The following AVEN variants were observed in gnomAD, a reference collection of about 807,000 sequenced individuals.
The protein encoded by AVEN is cell death regulator Aven.
In AVEN, 41 loss-of-function variants were observed where a neutral mutation model predicts 38.1. The ratio of observed to expected loss-of-function variants is 1.08; its 90% CI spans 0.84 to 1.40. The LOEUF is 1.40. Among genes scored for constraint, AVEN ranks in the 40% most tolerant of loss-of-function variants. The pLI is 0.00. For synonymous variants in AVEN, 206 were observed against 171.8 expected, an observed-to-expected ratio of 1.20 and a Z score of -1.56; for missense variants, 605 against 438.8, an observed-to-expected ratio of 1.38 and a Z score of -3.38.
intron 2 of AVEN, among the ~76,000 whole-genome samples, chr15:33,893,598 T>C (rs1159544919): frequency 6.6e-6 from 1 of 152,226 alleles, no homozygotes; most frequent in African/African-American, 2.4e-5. Context: ...TAAACTATTG[T>C]TTGCAATGCA....
intron 2 of AVEN, among the ~76,000 whole-genome samples, chr15:33,891,729 C>G (rs1258489368): frequency 3.3e-5 from 5 of 152,098 alleles, no homozygotes; most frequent in Non-Finnish European, 7.4e-5. Context: ...ATTTATAATC[C>G]TTTGGGTATA....
intron 2 of AVEN, among the ~76,000 whole-genome samples, chr15:33,912,423 T>A (rs1381549265): frequency 6.6e-6 from 1 of 152,228 alleles, no homozygotes; most frequent in Non-Finnish European, 1.5e-5. Flanking sequence ...TAACCTCAAC[T>A]ATGTAAAATA....
At position 33,914,074 on chromosome 15, in the gene AVEN, T is replaced by G. The variant is rs140104059; in HGVS notation, c.446-38079A>C. ...CAAAGAGCAGGGAGGAGCAGATGAA[T>G]AGAATTATACCCATAGAAGGTGCTT... On this transcript the variant is annotated intron_variant, in intron 2 of 5. Coordinates refer to ENST00000306730, the MANE Select transcript of AVEN (RefSeq NM_020371.3). 3.2e-3 allele frequency among the ~76,000 whole-genome samples: 491 copies of G among 152,244 alleles called. 2 individuals are homozygous for G. The highest frequency in any genetic ancestry group is 6.8e-3 in the Middle Eastern group (2 of 292).
At chr15:34,071,001 C>T (rs114234601) in intron 1 of AVEN, among the ~76,000 whole-genome samples, 10 of 152,260 alleles carry the variant, frequency 6.6e-5, no homozygotes, top group Non-Finnish European at 8.8e-5. Context: ...CGTGTCAATG[C>T]GTCTGTCCAA....
At chr15:33,910,610 A>G (rs1892881507) in intron 2 of AVEN, among the ~76,000 whole-genome samples, 1 of 152,212 alleles carries the variant, frequency 6.6e-6, no homozygotes, top group South Asian at 2.1e-4. Flanking sequence ...TGACAGGGAG[A>G]GAGAATGCAC....
At chr15:33,989,299 C>T (rs1466922567) in intron 2 of AVEN, among the ~76,000 whole-genome samples, 2 of 152,084 alleles carry the variant, frequency 1.3e-5, no homozygotes, top group African/African-American at 4.8e-5. Context: ...TATATTCTAA[C>T]CCAACAGTTT....
At chr15:33,871,546 C>T (rs1054842285) in intron 3 of AVEN, among the ~76,000 whole-genome samples, 1 of 151,370 alleles carries the variant, frequency 6.6e-6, no homozygotes, top group Non-Finnish European at 1.5e-5. Context: ...ACAGCCTGAG[C>T]AACAAGAGTG....
intron 1 of AVEN, among the ~76,000 whole-genome samples, chr15:34,018,679 T>C (rs965667120): frequency 3.9e-5 from 6 of 152,308 alleles, no homozygotes; most frequent in Middle Eastern, 3.4e-3. Flanking sequence ...GGGACTCCAG[T>C]GGGTTGCTGC....
chr15:33,853,929 C>G (rs189903245), downstream of AVEN, among the ~76,000 whole-genome samples: 7 of 152,220 alleles, frequency 4.6e-5, no homozygotes, highest in Non-Finnish European at 8.8e-5. Context: ...CGCAGTGGCT[C>G]ATACCTGTAA....
chr15:33,901,523 A>G (rs1892498233), intron 2 of AVEN, among the ~76,000 whole-genome samples: 1 of 152,240 alleles, frequency 6.6e-6, no homozygotes. Context: ...TCCTTTGGGT[A>G]TATATCCAGA....
chr15:33,927,192 T>G (rs1386740984), intron 2 of AVEN, among the ~76,000 whole-genome samples: 1 of 151,666 alleles, frequency 6.6e-6, no homozygotes, highest in Non-Finnish European at 1.5e-5. Context: ...GAGGTGGAGC[T>G]TGCAGTGAGC....
At chr15:34,054,750 G>C (rs1430167823) in intron 5 of AVEN, among the ~76,000 whole-genome samples, 1 of 152,134 alleles carries the variant, frequency 6.6e-6, no homozygotes, top group Non-Finnish European at 1.5e-5. Flanking sequence ...TAATACCTAG[G>C]TAATGGGATG....
chr15:34,046,892 A>G, intron 5 of AVEN: 1 of 152,390 alleles, frequency 6.6e-6, no homozygotes, highest in Non-Finnish European at 1.5e-5. Context: ...GTGCGACCCC[A>G]CCGGGGAAAC....
the AVEN span, chr15:33,852,154 C>G: frequency 1.3e-5 from 2 of 151,842 alleles, no homozygotes; most frequent in African/African-American, 4.8e-5. Flanking sequence ...GTTCTAGAAC[C>G]AAAAAGAATG....
intron 2 of AVEN, among the ~76,000 whole-genome samples, chr15:33,947,242 A>G (rs892927117): frequency 2.6e-5 from 4 of 152,302 alleles, no homozygotes; most frequent in South Asian, 2.1e-4. Context: ...ACAGACTCAT[A>G]TGCCTCTGTT....
At chr15:34,057,612 A>G (rs188106808) in intron 5 of AVEN, among the ~76,000 whole-genome samples, 4 of 152,126 alleles carry the variant, frequency 2.6e-5, no homozygotes, top group Non-Finnish European at 4.4e-5. Flanking sequence ...TCTGAGACTC[A>G]GGTTAAGTAA....
At chr15:33,916,428 G>A (rs1185042637) in intron 2 of AVEN, among the ~76,000 whole-genome samples, 3 of 152,052 alleles carry the variant, frequency 2.0e-5, no homozygotes, top group East Asian at 1.9e-4. Context: ...GAAAATCTTC[G>A]CAATCTATGC....
At chr15:34,055,418 T>TGGTGTGAA in intron 5 of AVEN, among the ~76,000 whole-genome samples, 1 of 151,674 alleles carries the variant, frequency 6.6e-6, no homozygotes, top group East Asian at 1.9e-4. Flanking sequence ...GGCAGGAGAA[T>TGGTGTGAA]CTCCTGGATC....
At chr15:34,035,248 A>G (rs1046014274) in intron 1 of AVEN, among the ~76,000 whole-genome samples, 1 of 152,204 alleles carries the variant, frequency 6.6e-6, no homozygotes, top group African/African-American at 2.4e-5. Flanking sequence ...TTGAATATAA[A>G]TCATTTTAAA....
Sources: gnomAD v4.1 joint callset for allele counts (sites outside exome capture counted in the v4.1 genomes callset) on GRCh38, gnomAD v4.1.1 for gene constraint, MANE v1.5 for transcripts, NCBI Gene and HGNC (gene_info 2026-07-23, HGNC 2026-07-21) for gene names.